SYK: variants seen among roughly 807,000 people sequenced by gnomAD.
SYK encodes spleen associated tyrosine kinase.
SYK carries 16 observed loss-of-function variants against 77.8 expected under a neutral mutation model. The observed-to-expected ratio is 0.21, with a 90% CI of 0.14 to 0.31. SYK has a LOEUF of 0.31. Ranked by LOEUF, SYK falls within the 10% of genes least tolerant of loss-of-function variation. The pLI is 1.00. For synonymous variants in SYK, 312 were observed against 308.7 expected (o/e 1.01, Z -0.11); for missense variants, 529 against 814.4 (o/e 0.65, Z 4.26).
intron 1 of SYK, among the ~76,000 whole-genome samples, chr9:90,817,876 T>TGAGA (rs1247857576): frequency 8.0e-4 from 27 of 33,772 alleles, no homozygotes; most frequent in African/African-American, 2.2e-3. Flanking sequence ...TGTGTGTGTG[T>TGAGA]GTGTGTGAGA....
At chr9:90,887,420 T>TTTGAGA (rs1828621038) in intron 11 of SYK, among the ~76,000 whole-genome samples, 1 of 150,482 alleles carries the variant, frequency 6.6e-6, no homozygotes, top group African/African-American at 2.5e-5. Flanking sequence ...TTTTTTTTTT[T>TTTGAGA]TGAGATGGAG....
At chr9:90,818,576 C>A (rs1825386085) in intron 1 of SYK, among the ~76,000 whole-genome samples, 2 of 152,192 alleles carry the variant, frequency 1.3e-5, no homozygotes, top group South Asian at 4.1e-4. Context: ...TCAGGCTCTG[C>A]TCATGCATAA....
At chr9:90,858,102 C>T (rs3789902) in intron 3 of SYK, among the ~76,000 whole-genome samples, 20,586 of 152,190 alleles carry the variant, frequency 0.14, 1,976 homozygotes, top group Admixed American at 0.25. Flanking sequence ...CCTTGGTGCC[C>T]GGGCATCACC....
At chr9:90,891,027 C>A (rs1229191857) in intron 13 of SYK, among the ~76,000 whole-genome samples, 1 of 152,022 alleles carries the variant, frequency 6.6e-6, no homozygotes, top group African/African-American at 2.4e-5. Flanking sequence ...ACATAGGGCC[C>A]AAAGATCGGT....
intron 3 of SYK, among the ~76,000 whole-genome samples, chr9:90,857,127 C>T (rs542840593): frequency 7.2e-5 from 11 of 152,340 alleles, no homozygotes; most frequent in Admixed American, 1.3e-4. Flanking sequence ...AGTGAATTTG[C>T]GGCTTAGGAA....
rs541159052 is a variant in SYK at position 90,880,658 on chromosome 9, G to C, written c.1581+1705G>C. 2.8e-4 allele frequency among the ~76,000 whole-genome samples: 42 copies of C among 152,356 alleles called. 1 individual carries two copies. The East Asian group carries it at 7.7e-3, about 28-fold the overall frequency. On this transcript the variant is annotated intron_variant, in intron 11 of 13. Coordinates refer to ENST00000375754, the MANE Select transcript of SYK (RefSeq NM_003177.7). ...AATGCTGGGCACCTTATCCACTGCTGTATAACAAATCACCCCAAACTTACT... is the reference window on the plus strand; with the variant it reads ...AATGCTGGGCACCTTATCCACTGCTCTATAACAAATCACCCCAAACTTACT...
chr9:90,894,516 G>C (rs1828907967), intron 13 of SYK, among the ~76,000 whole-genome samples: 1 of 152,210 alleles, frequency 6.6e-6, no homozygotes, highest in African/African-American at 2.4e-5. Context: ...TTATAATGAT[G>C]AGTGAGTCTT....
chr9:90,869,758 T>C (rs550805392), intron 7 of SYK, among the ~76,000 whole-genome samples: 2 of 152,360 alleles, frequency 1.3e-5, no homozygotes, highest in South Asian at 4.1e-4. Flanking sequence ...TCAGATAATT[T>C]AAATTTTTCA....
chr9:90,865,222 G>T (rs747732607), intron 6 of SYK, 125 bp downstream of exon 6: 1 of 912,306 alleles, frequency 1.1e-6, no homozygotes, highest in Admixed American at 1.9e-5. Flanking sequence ...CATACTCCGT[G>T]ATGAGCTGGG....
chr9:90,813,981 G>A (rs1320738004), intron 1 of SYK, among the ~76,000 whole-genome samples: 2 of 152,174 alleles, frequency 1.3e-5, no homozygotes, highest in Non-Finnish European at 2.9e-5. Context: ...CATGACTTTG[G>A]CCCTTGCTCT....
intron 11 of SYK, among the ~76,000 whole-genome samples, chr9:90,884,200 T>C (rs1464909969): frequency 2.0e-5 from 3 of 151,752 alleles, no homozygotes; most frequent in African/African-American, 4.8e-5. Context: ...CACATACACA[T>C]ACGTGTATAT....
chr9:90,834,266 C>T (rs290210), intron 1 of SYK, among the ~76,000 whole-genome samples: 109,846 of 151,682 alleles, frequency 0.72, 40,771 homozygotes, highest in East Asian at 0.96. Flanking sequence ...CGTGCTTTTT[C>T]CTTCATCTCA....
At chr9:90,892,405 T>A (rs1315735761) in intron 13 of SYK, among the ~76,000 whole-genome samples, 1 of 152,196 alleles carries the variant, frequency 6.6e-6, no homozygotes, top group Non-Finnish European at 1.5e-5. Flanking sequence ...CTTTATGGCT[T>A]GCTGCAGGCA....
intron 3 of SYK, among the ~76,000 whole-genome samples, chr9:90,848,519 G>A (rs554136352): frequency 6.0e-4 from 92 of 152,336 alleles, no homozygotes; most frequent in African/African-American, 2.1e-3. Context: ...AAGGTCTTTG[G>A]AGTCAGAACT....
chr9:90,862,779 C>T (rs963953732), intron 4 of SYK, among the ~76,000 whole-genome samples: 1 of 152,162 alleles, frequency 6.6e-6, no homozygotes, highest in Non-Finnish European at 1.5e-5. Context: ...CAGACAAAGA[C>T]ACACAAAATA....
Position 90,805,701 on chromosome 9 carries a change from A to G in SYK, c.-42+3808A>G, listed in dbSNP as rs572469153. 2.0e-5 allele frequency among the ~76,000 whole-genome samples: 3 copies of G among 152,316 alleles called. No individual in the cohort carries two copies. In the East Asian group the frequency reaches 5.8e-4, roughly 29 times the overall value. On this transcript the variant is annotated intron_variant, in intron 1 of 13. Coordinates refer to ENST00000375754, the MANE Select transcript of SYK (RefSeq NM_003177.7). ...ATGGTCAACCTGGTAGTTTATTAAT[A>G]TTACATCTATCAGTTCCTGTTGAGT...
intron 7 of SYK, among the ~76,000 whole-genome samples, chr9:90,871,030 A>G (rs1010829692): frequency 1.3e-5 from 2 of 152,264 alleles, no homozygotes; most frequent in African/African-American, 4.8e-5. Flanking sequence ...GCTTTTAAAC[A>G]TAGGCACTCA....
chr9:90,834,188 GCACACACATGTGTGCACA>G (rs1467776548), intron 1 of SYK, among the ~76,000 whole-genome samples: 1 of 152,072 alleles, frequency 6.6e-6, no homozygotes, highest in African/African-American at 2.4e-5. Flanking sequence ...CCAGCCTCAT[GCACACACATGTGTGCACA>G]CACATGCACA....
At chr9:90,859,165 G>A (rs1300638171) in intron 3 of SYK, among the ~76,000 whole-genome samples, 1 of 152,150 alleles carries the variant, frequency 6.6e-6, no homozygotes, top group Non-Finnish European at 1.5e-5. Flanking sequence ...ACCCAGTCAA[G>A]AAATGAAATG....
Sources: gnomAD v4.1 joint callset for allele counts (sites outside exome capture counted in the v4.1 genomes callset) on GRCh38, gnomAD v4.1.1 for gene constraint, MANE v1.5 for transcripts, NCBI Gene and HGNC (gene_info 2026-07-23, HGNC 2026-07-21) for gene names.